Variants in CC2D2A observed in about 807,000 individuals in gnomAD.
CC2D2A encodes the protein coiled-coil and C2 domain-containing protein 2A.
CC2D2A carries 155 observed loss-of-function variants against 212.9 expected under a neutral mutation model. The observed-to-expected ratio is 0.73, with a 90% confidence interval of 0.64 to 0.83. The LOEUF (loss-of-function observed/expected upper bound fraction) is 0.83. CC2D2A is among the 40% of genes least tolerant of loss of function. CC2D2A has a pLI of 0.00. For synonymous variants in CC2D2A, 667 were observed against 686.5 expected, an observed-to-expected ratio of 0.97 and a Z score of 0.44; for missense variants, 1,856 against 1,956.2, an observed-to-expected ratio of 0.95 and a Z score of 0.97.
chr4:15,535,134 G>A (rs1229196357), intron 14 of CC2D2A, among the ~76,000 whole-genome samples: 1 of 152,120 alleles, frequency 6.6e-6, no homozygotes, highest in Non-Finnish European at 1.5e-5. Context: ...AGTTAATATT[G>A]GTTAACAAAT....
At chr4:15,598,049 T>A (rs547075965) in intron 35 of CC2D2A, among the ~76,000 whole-genome samples, 1 of 152,356 alleles carries the variant, frequency 6.6e-6, no homozygotes, top group South Asian at 2.1e-4. Context: ...CTTGAGGCAT[T>A]ATTACTAGAA....
chr4:15,579,276 CTG>C (rs975165792), intron 29 of CC2D2A, among the ~76,000 whole-genome samples: 8 of 151,792 alleles, frequency 5.3e-5, no homozygotes, highest in African/African-American at 1.9e-4. Flanking sequence ...GTACAGTAAG[CTG>C]TGTTTGTGCC....
At chr4:15,494,247 A>C (rs1715481449) in intron 4 of CC2D2A, among the ~76,000 whole-genome samples, 1 of 152,164 alleles carries the variant, frequency 6.6e-6, no homozygotes, top group African/African-American at 2.4e-5. Flanking sequence ...CCATCTGCTG[A>C]AGTATAAAGA....
At chr4:15,520,938 A>G (rs1431526518) in intron 11 of CC2D2A, among the ~76,000 whole-genome samples, 1 of 152,136 alleles carries the variant, frequency 6.6e-6, no homozygotes, top group Non-Finnish European at 1.5e-5. Flanking sequence ...GGAAGCAGCC[A>G]GTAGGACTGG....
intron 6 of CC2D2A, among the ~76,000 whole-genome samples, chr4:15,505,328 T>C (rs903839266): frequency 3.3e-5 from 5 of 152,162 alleles, no homozygotes; most frequent in Non-Finnish European, 5.9e-5. Flanking sequence ...AACATCAAAG[T>C]AGAAGTAACA....
chr4:15,503,083 G>A (rs1380386162), intron 6 of CC2D2A, among the ~76,000 whole-genome samples, 160 bp downstream of exon 6: 1 of 152,110 alleles, frequency 6.6e-6, no homozygotes, highest in Non-Finnish European at 1.5e-5. Flanking sequence ...GATCGCTTGA[G>A]TCCAAGAGTT....
intron 7 of CC2D2A, among the ~76,000 whole-genome samples, chr4:15,510,800 C>A (rs1716529294): frequency 6.6e-6 from 1 of 151,942 alleles, no homozygotes. Context: ...GTTGCCCCGG[C>A]TTTCATTATA....
chr4:15,594,792 C>A (rs1437323388), intron 33 of CC2D2A, among the ~76,000 whole-genome samples: 2 of 152,072 alleles, frequency 1.3e-5, no homozygotes, highest in Non-Finnish European at 2.9e-5. Flanking sequence ...TCCCATGTGT[C>A]TACTTGGTTT....
At chr4:15,488,414 G>T (rs776772835) in intron 4 of CC2D2A, among the ~76,000 whole-genome samples, 1 of 152,092 alleles carries the variant, frequency 6.6e-6, no homozygotes, top group Non-Finnish European at 1.5e-5. Context: ...GACCTATAAG[G>T]TTTCCACTGA....
intron 18 of CC2D2A, 125 bp downstream of exon 18, chr4:15,551,105 C>T (rs1718985831): frequency 1.1e-6 from 1 of 900,530 alleles, no homozygotes; most frequent in South Asian, 3.3e-5. Context: ...CAAATTCAAA[C>T]AATGATGCTA....
At position 15,570,490 on chromosome 4, in the gene CC2D2A, A is replaced by G; in HGVS notation, c.3588A>G (p.Gln1196=). 6.3e-7 allele frequency: 1 copy of G among 1,592,726 alleles called. No homozygotes were observed. The highest frequency in any genetic ancestry group is 8.6e-7 in the Non-Finnish European group (1 of 1,164,676). ...VKMPFSTIYF[Q]ARIDGTFKID... ...TGCCATTTAGCACAATATATTTCCA[A>G]GCAAGGGTAAGTATCTAAAGTTAGA... is the stretch of plus-strand genomic sequence containing the variant. The change falls in exon 28 of 37, where the codon CAA becomes CAG. Residue 1196 remains glutamine (Q), a synonymous_variant. Transcript: ENST00000424120.
intron 4 of CC2D2A, among the ~76,000 whole-genome samples, chr4:15,497,790 T>A (rs1407453119): frequency 4.6e-5 from 7 of 152,210 alleles, no homozygotes; most frequent in Non-Finnish European, 1.5e-5. Context: ...GTTAGCCAAT[T>A]GTACTTCTTT....
At position 15,567,490 on chromosome 4, in the gene CC2D2A, A is replaced by G. The variant is rs1452704054; in HGVS notation, c.3288+8A>G. The G allele has an allele frequency of 1.2e-6, 2 of 1,607,848 alleles. No homozygotes were observed. The highest frequency in any genetic ancestry group is 1.7e-5 in the Admixed American group (1 of 59,210). On this transcript the variant is annotated splice_region_variant and intron_variant, in intron 25 of 36. Transcript: ENST00000424120. ...GACTACCCCCTCGGCCAGGTGAGAG[A>G]TGCTGGACTTCAGCTTTCCACCTTG...
At chr4:15,536,532 C>T (rs1718137729) in intron 14 of CC2D2A, among the ~76,000 whole-genome samples, 1 of 152,124 alleles carries the variant, frequency 6.6e-6, no homozygotes. Flanking sequence ...AGCAGTTCCT[C>T]AGAGACTTGA....
intron 15 of CC2D2A, 108 bp downstream of exon 15, chr4:15,537,184 G>A: frequency 2.2e-6 from 2 of 909,896 alleles, no homozygotes; most frequent in South Asian, 4.2e-5. Flanking sequence ...AGGGTATCCT[G>A]TGGCTCCCTC....
At chr4:15,470,516 A>G (rs1167371535) in intron 1 of CC2D2A, among the ~76,000 whole-genome samples, 1 of 152,140 alleles carries the variant, frequency 6.6e-6, no homozygotes, top group Admixed American at 6.5e-5. Context: ...ACTGGCTACA[A>G]CTTAAGCTGA....
At chr4:15,478,067 A>G (rs2108968959) in intron 2 of CC2D2A, among the ~76,000 whole-genome samples, 1 of 152,330 alleles carries the variant, frequency 6.6e-6, no homozygotes. Flanking sequence ...AAACTCTAGG[A>G]CTAAAACATT....
intron 4 of CC2D2A, among the ~76,000 whole-genome samples, chr4:15,499,963 C>G (rs1054160699): frequency 6.6e-6 from 1 of 151,724 alleles, no homozygotes; most frequent in African/African-American, 2.4e-5. Flanking sequence ...AATAGCCTAA[C>G]AAATGCAGTC....
Position 15,563,545 on chromosome 4 carries a change from G to A in CC2D2A, c.3182+23G>A, listed in dbSNP as rs370158316. 132 of 1,606,722 alleles carry A rather than the reference G, an allele frequency of 8.2e-5. 2 individuals carry two copies. The South Asian group carries it at 1.2e-3, about 15-fold the overall frequency. ...GAGGTGAGAGCCCTCCCAACAGCCC[G>A]AGATGCAGTGTGCAGCATCCCAGCC... On this transcript the variant is annotated intron_variant, in intron 24 of 36. Transcript: ENST00000424120.
Sources: gnomAD v4.1 joint callset for allele counts (sites outside exome capture counted in the v4.1 genomes callset) on GRCh38, gnomAD v4.1.1 for gene constraint, MANE v1.5 for transcripts, NCBI Gene and HGNC (gene_info 2026-07-23, HGNC 2026-07-21) for gene names.